Variants in EPB41L4A observed in about 807,000 individuals in gnomAD.
EPB41L4A encodes the protein erythrocyte membrane protein band 4.1 like 4A, also known as band 4.1-like protein 4A.
EPB41L4A carries 100 observed loss-of-function variants against 108.6 expected under a neutral mutation model. The ratio of observed to expected loss-of-function variants is 0.92; its 90% CI spans 0.78 to 1.09. EPB41L4A has a LOEUF of 1.09. Among genes scored for constraint, EPB41L4A ranks in the 50% least tolerant of loss-of-function variants. The probability of loss-of-function intolerance (pLI) is 0.00; values close to 1 mark genes in which losing one functional copy is unlikely to be tolerated. For synonymous variants in EPB41L4A, 319 were observed against 289.0 expected (o/e 1.10, Z -1.05); for missense variants, 1,030 against 842.7 (o/e 1.22, Z -2.75).
chr5:112,168,513 A>G (rs1418454855), intron 22 of EPB41L4A, among the ~76,000 whole-genome samples: 1 of 152,152 alleles, frequency 6.6e-6, no homozygotes, highest in Non-Finnish European at 1.5e-5. Context: ...GCTGTGCCCC[A>G]CTACCTCTAC....
chr5:112,366,106 G>A (rs962950189), intron 1 of EPB41L4A, among the ~76,000 whole-genome samples: 2 of 152,106 alleles, frequency 1.3e-5, no homozygotes, highest in African/African-American at 4.8e-5. Flanking sequence ...CCCAGAGACA[G>A]ACTAAGGAGC....
intron 4 of EPB41L4A, among the ~76,000 whole-genome samples, chr5:112,271,191 T>G (rs965169766): frequency 6.6e-6 from 1 of 152,176 alleles, no homozygotes. Flanking sequence ...CTAGAGGGGA[T>G]AGTAAAATGA....
chr5:112,386,368 T>A (rs991650351), intron 1 of EPB41L4A, among the ~76,000 whole-genome samples: 1 of 152,226 alleles, frequency 6.6e-6, no homozygotes, highest in Non-Finnish European at 1.5e-5. Flanking sequence ...TAAATTTTCA[T>A]TGGCTTAAAA....
At chr5:112,216,881 T>C (rs532587926) in intron 12 of EPB41L4A, among the ~76,000 whole-genome samples, 17 of 152,304 alleles carry the variant, frequency 1.1e-4, no homozygotes, top group African/African-American at 4.1e-4. Flanking sequence ...GTATAGCAAA[T>C]TAGCAAAATA....
intron 4 of EPB41L4A, among the ~76,000 whole-genome samples, chr5:112,270,832 T>C (rs1752215255): frequency 6.6e-6 from 1 of 152,134 alleles, no homozygotes; most frequent in Admixed American, 6.6e-5. Context: ...ATATCAATCC[T>C]CAGCAAAATG....
intron 12 of EPB41L4A, among the ~76,000 whole-genome samples, chr5:112,153,596 G>C (rs1759549923): frequency 6.8e-6 from 1 of 147,890 alleles, no homozygotes; most frequent in Non-Finnish European, 1.5e-5. Flanking sequence ...GAGAGAGAGA[G>C]AGCAAAAAAT....
At chr5:112,213,341 GTTTTTTTTTTTGT>G (rs1175253116) in intron 12 of EPB41L4A, among the ~76,000 whole-genome samples, 1 of 104,280 alleles carries the variant, frequency 9.6e-6, no homozygotes, top group African/African-American at 4.0e-5. Context: ...AACATGTACA[GTTTTTTTTTTTGT>G]TTTTTTTTTT....
At chr5:112,179,347 C>G (rs535454124) in intron 18 of EPB41L4A, among the ~76,000 whole-genome samples, 2 of 151,920 alleles carry the variant, frequency 1.3e-5, no homozygotes, top group South Asian at 4.2e-4. Flanking sequence ...TTTTAAATGA[C>G]CAATATAATA....
At chr5:112,273,787 G>A (rs1385597383) in intron 4 of EPB41L4A, among the ~76,000 whole-genome samples, 1 of 152,102 alleles carries the variant, frequency 6.6e-6, no homozygotes, top group African/African-American at 2.4e-5. Context: ...AGATATAAGT[G>A]TATTTTTTTA....
In EPB41L4A at chr5:112,304,161, T is replaced by A. The variant is rs149252075; in HGVS notation, c.204+3225A>T. Reference sequence around the variant, plus strand: ...AGACAGTGTTTGCATGCTGTCTTCATCTGTGTGCTTCACACATTCCCCCTC... The same window carrying A: ...AGACAGTGTTTGCATGCTGTCTTCAACTGTGTGCTTCACACATTCCCCCTC... On this transcript the variant is annotated intron_variant, in intron 2 of 22. Transcript: ENST00000261486. 1.7e-3 allele frequency among the ~76,000 whole-genome samples: 258 copies of A among 152,260 alleles called. 2 individuals are homozygous for A. Among genetic ancestry groups the A allele is most frequent in the African/African-American group, 5.9e-3 (246 of 41,560 alleles).
intron 22 of EPB41L4A, among the ~76,000 whole-genome samples, chr5:112,165,719 C>A (rs955040507): frequency 6.6e-6 from 1 of 152,198 alleles, no homozygotes; most frequent in Admixed American, 6.5e-5. Flanking sequence ...CAAGGATGGT[C>A]TAACATTGTC....
chr5:112,148,546 T>C (rs140110588), intron 12 of EPB41L4A, among the ~76,000 whole-genome samples: 5 of 152,226 alleles, frequency 3.3e-5, no homozygotes, highest in Non-Finnish European at 7.4e-5. Flanking sequence ...TTCTGAAAGG[T>C]AATATTTGTT....
At chr5:112,346,005 G>A (rs1239016725) in intron 1 of EPB41L4A, among the ~76,000 whole-genome samples, 1 of 151,742 alleles carries the variant, frequency 6.6e-6, no homozygotes, top group East Asian at 1.9e-4. Flanking sequence ...ACAAGGACAA[G>A]GCAGATCAAT....
chr5:112,269,893 A>G (rs962503535), intron 4 of EPB41L4A, among the ~76,000 whole-genome samples: 10 of 152,204 alleles, frequency 6.6e-5, no homozygotes, highest in Non-Finnish European at 1.3e-4. Context: ...ATTTTGAGTT[A>G]TAGGTGGGGA....
intron 1 of EPB41L4A, among the ~76,000 whole-genome samples, chr5:112,393,565 C>A (rs79763703): frequency 1.3e-5 from 2 of 152,104 alleles, no homozygotes; most frequent in East Asian, 3.8e-4. Flanking sequence ...CCTGAATAGA[C>A]CAATAACAGG....
intron 16 of EPB41L4A, among the ~76,000 whole-genome samples, chr5:112,195,042 T>C (rs1406844155): frequency 6.6e-6 from 1 of 152,120 alleles, no homozygotes; most frequent in African/African-American, 2.4e-5. Flanking sequence ...TTCCCTATCC[T>C]CTGAATTTAC....
intron 12 of EPB41L4A, among the ~76,000 whole-genome samples, chr5:112,223,731 C>G (rs1748246269): frequency 6.6e-6 from 1 of 152,220 alleles, no homozygotes; most frequent in Non-Finnish European, 1.5e-5. Flanking sequence ...TCACACACAA[C>G]TCAAAGGCAG....
intron 6 of EPB41L4A, chr5:112,263,974 G>C (rs189353985): frequency 6.6e-6 from 1 of 151,632 alleles, no homozygotes; most frequent in Non-Finnish European, 1.5e-5. Flanking sequence ...CACCACGCCC[G>C]GCTAATTTTT....
chr5:112,339,512 A>ATCTATATATC (rs1561585408), intron 1 of EPB41L4A, among the ~76,000 whole-genome samples: 1 of 46,000 alleles, frequency 2.2e-5, no homozygotes, highest in African/African-American at 9.6e-5. Context: ...ATATATATAG[A>ATCTATATATC]TATATAGATA....
Sources: allele counts gnomAD v4.1 joint callset (sites outside exome capture counted in the v4.1 genomes callset), GRCh38; gene constraint gnomAD v4.1.1; transcripts MANE v1.5; gene names NCBI Gene and HGNC (gene_info 2026-07-23, HGNC 2026-07-21).